The following SH3TC1 variants were observed in gnomAD, a reference collection of about 807,000 sequenced individuals.
The protein encoded by SH3TC1 is SH3 domain and tetratricopeptide repeat-containing protein 1.
Under a neutral mutation model 117.3 loss-of-function variants are expected in SH3TC1, and 135 were observed. The observed-to-expected ratio is 1.15, with a 90% CI of 1.00 to 1.33. The LOEUF is 1.33. Among genes scored for constraint, SH3TC1 ranks in the 40% most tolerant of loss-of-function variants. SH3TC1 has a pLI of 0.00. For synonymous variants in SH3TC1, 898 were observed against 816.9 expected (o/e 1.10, Z -1.69); for missense variants, 2,092 against 1,794.3 (o/e 1.17, Z -3.00).
chr4:8,200,885 C>T (rs1035388613), intron 1 of SH3TC1, among the ~76,000 whole-genome samples: 1 of 152,200 alleles, frequency 6.6e-6, no homozygotes, highest in East Asian at 1.9e-4. Flanking sequence ...TGTGTGTCTC[C>T]GTGTCCTCTC....
chr4:8,237,722 A>C (rs1273560440), intron 17 of SH3TC1, 52 bp downstream of exon 17: 2 of 1,524,016 alleles, frequency 1.3e-6, no homozygotes, highest in Non-Finnish European at 1.8e-6. Context: ...TTGGAGTGGG[A>C]TCTCCACCCA....
Position 8,205,658 on chromosome 4 carries a change from A to G in SH3TC1, c.172+292A>G. 2 of 762,436 alleles carry G rather than the reference A, an allele frequency of 2.6e-6. No individual in the cohort carries two copies. The highest frequency in any genetic ancestry group is 2.7e-5 in the South Asian group (2 of 74,060). The allele number at this position is 762,436 out of a possible 1,614,324, so 47.2% of individuals were successfully genotyped here. On this transcript the variant is annotated intron_variant, in intron 2 of 17. Transcript: ENST00000245105. The surrounding 1 kb of genome is among the most constrained non-coding windows in gnomAD (Gnocchi z 5.4). ...CAGGGGCCTTTGAACCCCCATGTTCAGAGACCGTTCCAGAAACAGTCCGAT... is the reference window on the plus strand; with the variant it reads ...CAGGGGCCTTTGAACCCCCATGTTCGGAGACCGTTCCAGAAACAGTCCGAT...
Position 8,188,851 on chromosome 4 carries a change from G to A in SH3TC1, c.-57+6641G>A, listed in dbSNP as rs533728167. Among the ~76,000 whole-genome samples, 22 of 152,354 alleles carry A rather than the reference G, an allele frequency of 1.4e-4. No homozygotes were observed. The East Asian group carries it at 2.5e-3, about 17-fold the overall frequency. On this transcript the variant is annotated intron_variant, in intron 1 of 16. Transcript: ENST00000508641. ...TGCCTGGAGCCTGCACTGGGTACCC[G>A]TCACGAGGCAGCCACCTCCTCCCTG...
At chr4:8,240,623 C>G (rs1416419463) in intron 17 of SH3TC1, 75 bp from the exon 18 acceptor site, 1 of 1,586,652 alleles carries the variant, frequency 6.3e-7, no homozygotes, top group Non-Finnish European at 8.6e-7. Context: ...TGTGGAATGA[C>G]CTGGGCACAG....
intron 5 of SH3TC1, among the ~76,000 whole-genome samples, chr4:8,215,898 T>C (rs1300592263): frequency 1.3e-5 from 2 of 151,776 alleles, no homozygotes; most frequent in South Asian, 4.2e-4. Flanking sequence ...TGGTGGGTGG[T>C]GGAGCTGGGC....
chr4:8,182,282 CA>C (rs1225969041), intron 1 of SH3TC1: 1 of 152,222 alleles, frequency 6.6e-6, no homozygotes, highest in Non-Finnish European at 1.5e-5. Flanking sequence ...CCCTCAGCCC[CA>C]TGCTCAGTGT....
chr4:8,234,577 ATCCACCCATC>A (rs1721636483), intron 14 of SH3TC1, among the ~76,000 whole-genome samples: 1 of 76,092 alleles, frequency 1.3e-5, no homozygotes. Context: ...TTATCCATCC[ATCCACCCATC>A]CATCCATCCA....
Position 8,212,783 on chromosome 4 carries a change from C to T in SH3TC1, c.330C>T (p.Leu110=), listed in dbSNP as rs1483347494. Residue 110 remains leucine (L), a synonymous_variant, in exon 4 of 18, where the codon CTC becomes CTT. Transcript: ENST00000245105. ...TACAGCAGACCCTCCGGGGCCAGCT[C>T]CGCCTGCTGGAGAATGATAGCCGGG... ...PGLQQTLRGQ[L]RLLENDSREM... 1 of 1,609,612 alleles carries T rather than the reference C, an allele frequency of 6.2e-7. No homozygotes were observed.
At chr4:8,216,420 G>A (rs2152985774) in intron 6 of SH3TC1, among the ~76,000 whole-genome samples, 163 bp downstream of exon 6, 1 of 152,296 alleles carries the variant, frequency 6.6e-6, no homozygotes, top group South Asian at 2.1e-4. Flanking sequence ...TGCTTGGTGT[G>A]GCACTGTCAC....
rs547226315 is a variant in SH3TC1 at position 8,192,052 on chromosome 4, C to T, written c.-57+9842C>T. Among the ~76,000 whole-genome samples, 63 of 151,652 alleles carry T rather than the reference C, an allele frequency of 4.2e-4. No homozygotes were observed. The highest frequency in any genetic ancestry group is 1.4e-3 in the African/African-American group (57 of 41,292). ...TCACCCAGGCTGGAGTGCAATGGCG[C>T]GATCTCGGCTCACTGCCACCTCGGC... On this transcript the variant is annotated intron_variant, in intron 1 of 16. Coordinates refer to the SH3TC1 transcript ENST00000508641. The surrounding 1 kb of genome is among the most constrained non-coding windows in gnomAD (Gnocchi z 4.1).
At chr4:8,223,910 C>A (rs1407590672) in intron 10 of SH3TC1, among the ~76,000 whole-genome samples, 1 of 151,676 alleles carries the variant, frequency 6.6e-6, no homozygotes, top group Non-Finnish European at 1.5e-5. Context: ...GCTGGGATTA[C>A]AGCTGTGAGC....
intron 3 of SH3TC1, among the ~76,000 whole-genome samples, chr4:8,211,838 G>A (rs1561686537): frequency 6.6e-6 from 1 of 152,102 alleles, no homozygotes; most frequent in African/African-American, 2.4e-5. Context: ...AGCAGACAGA[G>A]CACGTGCCCA....
At chr4:8,219,275 C>A in intron 8 of SH3TC1, 60 bp from the exon 9 acceptor site, 1 of 1,482,802 alleles carries the variant, frequency 6.7e-7, no homozygotes, top group Non-Finnish European at 9.0e-7. Context: ...TCGGCCCTGT[C>A]TGCCCGCTCT....
intron 1 of SH3TC1, among the ~76,000 whole-genome samples, chr4:8,200,773 C>T (rs1447229207): frequency 6.6e-6 from 1 of 152,230 alleles, no homozygotes; most frequent in African/African-American, 2.4e-5. Flanking sequence ...GCGGCTCCTC[C>T]CTGCCTCTTC....
chr4:8,205,435 A>G lies in SH3TC1; in HGVS notation c.172+69A>G. The G allele has an allele frequency of 2.6e-6, 3 of 1,146,816 alleles. No individual in the cohort carries two copies. The highest frequency in any genetic ancestry group is 3.3e-6 in the Non-Finnish European group (3 of 913,260). 71.0% of individuals were successfully genotyped at this position (1,146,816 alleles called of 1,614,324 possible). ...CTTCTCCACCCCACCCGCCCCGTCC[A>G]TCCATCCCTCACCACCCTGCCTGCC... On this transcript the variant is annotated intron_variant, in intron 2 of 17. Transcript: ENST00000245105. This position sits in a 1 kb window ranked among gnomAD's most constrained non-coding sequence, Gnocchi z 5.4.
Position 8,209,529 on chromosome 4 carries a change from G to T in SH3TC1, c.173-219G>T. On this transcript the variant is annotated intron_variant, in intron 2 of 17. Transcript: ENST00000245105. This position sits in a 1 kb window ranked among gnomAD's most constrained non-coding sequence, Gnocchi z 5.9. ...ACGAGTCGTGTGGTCTTAAGCCTCT[G>T]AGTGTGGGGCAGCTTGTCACAGCAT... is the stretch of plus-strand genomic sequence containing the variant. The T allele has an allele frequency of 2.0e-6, 2 of 992,060 alleles. No individual in the cohort carries two copies. The highest frequency in any genetic ancestry group is 3.2e-5 in the African/African-American group (2 of 62,550). The allele number at this position is 992,060 out of a possible 1,614,324, so 61.5% of individuals were successfully genotyped here. A position where few individuals can be genotyped will look rare whatever the true frequency, so the allele number is the denominator to read the frequency against.
chr4:8,225,665 T>A lies in SH3TC1; in HGVS notation c.1285+449T>A, dbSNP rs1720391148. 6.6e-6 allele frequency among the ~76,000 whole-genome samples: 1 copy of A among 152,186 alleles called. No individual in the cohort carries two copies. Reference sequence around the variant, plus strand: ...AAGGGTCTGCTCCTTCCTGAGGGGCTGATTGAGGGAGACCCTTCCATCTCC... The same window carrying A: ...AAGGGTCTGCTCCTTCCTGAGGGGCAGATTGAGGGAGACCCTTCCATCTCC... On this transcript the variant is annotated intron_variant, in intron 11 of 17. Coordinates refer to ENST00000245105, the MANE Select transcript of SH3TC1 (RefSeq NM_018986.5). This position sits in a 1 kb window ranked among gnomAD's most constrained non-coding sequence, Gnocchi z 5.5.
chr4:8,204,565 G>C (rs1718044569), intron 1 of SH3TC1, among the ~76,000 whole-genome samples: 1 of 152,228 alleles, frequency 6.6e-6, no homozygotes, highest in Non-Finnish European at 1.5e-5. Context: ...GGGGACAGCA[G>C]GGTTCTGACT....
intron 12 of SH3TC1, 36 bp downstream of exon 12, chr4:8,228,680 GC>G: frequency 2.1e-6 from 3 of 1,413,834 alleles, no homozygotes; most frequent in Non-Finnish European, 2.8e-6. Context: ...GCCTTCCGGG[GC>G]CACTCGGGTC....
Sources: gnomAD v4.1 joint callset for allele counts (sites outside exome capture counted in the v4.1 genomes callset) on GRCh38, gnomAD v4.1.1 for gene constraint, Gnocchi (gnomAD v3.1) non-coding constraint, MANE v1.5 for transcripts, NCBI Gene and HGNC (gene_info 2026-07-23, HGNC 2026-07-21) for gene names.